Variants in GLCCI1 observed in about 807,000 individuals in gnomAD.
GLCCI1 encodes the protein glucocorticoid-induced transcript 1 protein.
GLCCI1 carries 24 observed loss-of-function variants against 52.2 expected under a neutral mutation model. The observed-to-expected ratio is 0.46, with a 90% confidence interval of 0.33 to 0.65. The LOEUF is 0.65. Among genes scored for constraint, GLCCI1 ranks in the 30% least tolerant of loss-of-function variants. The pLI is 0.02. For missense variants in GLCCI1, 704 were observed against 701.5 expected, an observed-to-expected ratio of 1.00 and a Z score of -0.04; for synonymous variants, 310 against 276.5, an observed-to-expected ratio of 1.12 and a Z score of -1.20.
At chr7:7,981,748 A>G (rs963172659) in intron 1 of GLCCI1, 1 of 308,434 alleles carries the variant, frequency 3.2e-6, no homozygotes, top group Non-Finnish European at 6.4e-6. Flanking sequence ...TGGGAAATAC[A>G]CCAAGAGTGA....
intron 5 of GLCCI1, among the ~76,000 whole-genome samples, chr7:8,061,338 G>C (rs549157655): frequency 2.0e-5 from 3 of 152,238 alleles, no homozygotes; most frequent in African/African-American, 4.8e-5. Flanking sequence ...CTGACCTCGT[G>C]ATCCGTCCAC....
intron 6 of GLCCI1, among the ~76,000 whole-genome samples, chr7:8,076,599 G>A (rs1480002271): frequency 6.6e-6 from 1 of 152,156 alleles, no homozygotes; most frequent in African/African-American, 2.4e-5. Flanking sequence ...ATAGCTATGA[G>A]TTATTATTCA....
At chr7:8,070,840 A>G in intron 5 of GLCCI1, 81 bp from the exon 6 acceptor site, 1 of 1,261,868 alleles carries the variant, frequency 7.9e-7, no homozygotes, top group South Asian at 1.4e-5. Flanking sequence ...GGAATATGAA[A>G]TCAAGGGAAA....
At chr7:7,986,043 T>A (rs1217339932) in intron 1 of GLCCI1, among the ~76,000 whole-genome samples, 1 of 152,264 alleles carries the variant, frequency 6.6e-6, no homozygotes, top group African/African-American at 2.4e-5. Flanking sequence ...CTGAATTTTT[T>A]AAAGTATCAT....
At chr7:7,992,892 T>G (rs1371591281) in intron 1 of GLCCI1, among the ~76,000 whole-genome samples, 1 of 152,138 alleles carries the variant, frequency 6.6e-6, no homozygotes, top group Non-Finnish European at 1.5e-5. Flanking sequence ...TGATATCTTT[T>G]CTAAGTTTTT....
intron 5 of GLCCI1, among the ~76,000 whole-genome samples, chr7:8,061,293 G>A (rs1372951256): frequency 6.6e-6 from 1 of 151,916 alleles, no homozygotes; most frequent in Non-Finnish European, 1.5e-5. Context: ...GTAGAGACGG[G>A]GTTTTGCCAT....
Position 8,067,015 on chromosome 7 carries a change from G to A in GLCCI1, c.967-3906G>A, listed in dbSNP as rs537316221. On this transcript the variant is annotated intron_variant, in intron 5 of 7. Transcript: ENST00000223145. ...CTCCCACTATTATTTTATGGACATC[G>A]AAGTCTCTTTGTAGGTCTCTGAGAA... 3.9e-5 allele frequency among the ~76,000 whole-genome samples: 6 copies of A among 152,236 alleles called. No individual in the cohort carries two copies. The South Asian group carries it at 1.2e-3, about 32-fold the overall frequency.
chr7:8,043,560 C>T (rs1004886462), intron 3 of GLCCI1, among the ~76,000 whole-genome samples: 4 of 152,028 alleles, frequency 2.6e-5, no homozygotes, highest in African/African-American at 4.8e-5. Context: ...ATTATGGTTG[C>T]CTGTGACCAG....
chr7:8,003,357 T>G (rs550432746), intron 1 of GLCCI1, among the ~76,000 whole-genome samples: 1 of 152,316 alleles, frequency 6.6e-6, no homozygotes, highest in East Asian at 1.9e-4. Context: ...GCAGAAAGAA[T>G]GTATTTTACC....
chr7:8,013,334 A>G (rs764010240), intron 2 of GLCCI1, among the ~76,000 whole-genome samples: 5 of 152,200 alleles, frequency 3.3e-5, no homozygotes, highest in Non-Finnish European at 5.9e-5. Flanking sequence ...AACAGTTGAT[A>G]AAGAGTTTAT....
At chr7:8,079,664 CAAA>C (rs1157562896) in intron 6 of GLCCI1, among the ~76,000 whole-genome samples, 1 of 151,344 alleles carries the variant, frequency 6.6e-6, no homozygotes, top group Admixed American at 6.6e-5. Context: ...TACACAAAAA[CAAA>C]AGAGTAACTT....
intron 4 of GLCCI1, among the ~76,000 whole-genome samples, chr7:8,055,992 C>CA (rs35822583): frequency 0.48 from 57,374 of 120,128 alleles, 12,710 homozygotes; most frequent in Middle Eastern, 0.58. Flanking sequence ...GACTCCGTCT[C>CA]AAAAAAAAAA....
Position 8,084,966 on chromosome 7 carries a change from A to T in GLCCI1, c.1247A>T (p.Lys416Ile). 6.2e-7 allele frequency: 1 copy of T among 1,614,194 alleles called. No homozygotes were observed. Among genetic ancestry groups the T allele is most frequent in the Non-Finnish European group, 8.5e-7 (1 of 1,180,024 alleles). ...AAACCAAACAACAGCTACATGTTCA[A>T]ACGGGAGCCCCCAGAGGGATGTGAG... ...SPKPNNSYMF[K>I]REPPEGCERV... Residue 416 changes from lysine to isoleucine, a missense_variant, in exon 7 of 8, where the codon AAA becomes ATA. Around this residue, in one of 3 missense-constraint regions of GLCCI1, gnomAD observed 8 missense variants for 23.8 expected, o/e 0.34. Transcript: ENST00000223145.
intron 6 of GLCCI1, among the ~76,000 whole-genome samples, chr7:8,075,399 A>G (rs1782856591): frequency 6.6e-6 from 1 of 152,256 alleles, no homozygotes; most frequent in South Asian, 2.1e-4. Context: ...CTCTGTGTGG[A>G]GAATTCAGAG....
rs1257764243 is a variant in GLCCI1 at position 8,088,854 on chromosome 7, A to T, written c.*2316A>T. 6.6e-6 allele frequency: 1 copy of T among 152,638 alleles called. No individual in the cohort carries two copies. Among genetic ancestry groups the T allele is most frequent in the Admixed American group, 6.5e-5 (1 of 15,278 alleles). The allele number at this position is 152,638 out of a possible 1,614,324, so 9.5% of individuals were successfully genotyped here. On this transcript the variant is annotated 3_prime_UTR_variant, in exon 8 of 8. Coordinates refer to ENST00000223145, the MANE Select transcript of GLCCI1 (RefSeq NM_138426.4). ...ACGCTTTGCCATGTAAATTTCCCAG[A>T]AGTTGTTGAGCTCAAATGTATCCTA...
intron 5 of GLCCI1, among the ~76,000 whole-genome samples, chr7:8,061,191 C>T (rs1284967079): frequency 6.6e-6 from 1 of 151,634 alleles, no homozygotes; most frequent in Non-Finnish European, 1.5e-5. Context: ...GCTCTGCCTC[C>T]TGGGTTCACG....
intron 3 of GLCCI1, among the ~76,000 whole-genome samples, chr7:8,053,510 T>G (rs1393241139): frequency 6.6e-6 from 1 of 151,100 alleles, no homozygotes; most frequent in Non-Finnish European, 1.5e-5. Context: ...TTTTTTTTTT[T>G]TTTTAGCAGA....
intron 1 of GLCCI1, among the ~76,000 whole-genome samples, chr7:7,975,773 A>C (rs1383114743): frequency 1.3e-5 from 2 of 152,072 alleles, no homozygotes; most frequent in Admixed American, 6.5e-5. Flanking sequence ...AGACAGAGAG[A>C]ATGTGTGTGT....
At chr7:8,012,935 A>T (rs258853) in intron 2 of GLCCI1, among the ~76,000 whole-genome samples, 66,658 of 151,940 alleles carry the variant, frequency 0.44, 14,922 homozygotes, top group Middle Eastern at 0.52. Context: ...TCTTTGATCC[A>T]TTTGAGTCCA....
Sources: gnomAD v4.1 joint callset for allele counts (sites outside exome capture counted in the v4.1 genomes callset) on GRCh38, gnomAD v4.1.1 for gene constraint, gnomAD v4.1.1 regional missense constraint, MANE v1.5 for transcripts, NCBI Gene and HGNC (gene_info 2026-07-23, HGNC 2026-07-21) for gene names.